The following CUX1 variants were observed in gnomAD, a reference collection of about 807,000 sequenced individuals.
CUX1 encodes the protein cut like homeobox 1, also known as protein CASP.
In CUX1, 31 loss-of-function variants were observed where a neutral mutation model predicts 158.8. That is an observed-to-expected ratio of 0.20 (90% CI 0.15 to 0.26). The LOEUF (loss-of-function observed/expected upper bound fraction) is 0.26, where lower values mean the gene tolerates loss of function less well. Among genes scored for constraint, CUX1 ranks in the 10% least tolerant of loss-of-function variants. CUX1 has a pLI of 1.00. For missense variants in CUX1, 1,589 were observed against 2,014.6 expected (o/e 0.79, Z 4.04); for synonymous variants, 879 against 862.1 (o/e 1.02, Z -0.34).
rs893750637 is a variant in CUX1 at position 102,280,735 on chromosome 7, G to A, written c.1765-69G>A. The A allele has an allele frequency of 8.5e-6, 13 of 1,535,864 alleles. No individual in the cohort carries two copies. The Admixed American group carries it at 1.2e-4, about 14-fold the overall frequency. On this transcript the variant is annotated intron_variant, in intron 19 of 22. Transcript: ENST00000292538. ...GGTGTCCTGTGGCTGGCCAGGCCCT[G>A]CTCTCTGCCACAAGCCAGGGCCTGT...
exon 23 of CUX1, chr7:102,283,025 G>T: frequency 6.2e-7 from 1 of 1,610,946 alleles, no homozygotes; most frequent in South Asian, 1.1e-5. Context: ...CCCCAGGTTC[G>T]CTGACCACCT....
intron 7 of CUX1, among the ~76,000 whole-genome samples, chr7:102,112,593 A>C (rs1262185306): frequency 6.9e-6 from 1 of 144,764 alleles, no homozygotes; most frequent in Non-Finnish European, 1.5e-5. Flanking sequence ...TTTTTGAGAC[A>C]GGGTCTTGCT....
intron 8 of CUX1, among the ~76,000 whole-genome samples, chr7:102,119,613 G>A (rs992795221): frequency 3.9e-5 from 6 of 152,184 alleles, no homozygotes; most frequent in South Asian, 2.1e-4. Context: ...GTTGGAACAT[G>A]GGGGCTTTGC....
chr7:101,913,453 CA>C, intron 1 of CUX1: 1 of 1,204,064 alleles, frequency 8.3e-7, no homozygotes, highest in South Asian at 1.4e-5. Context: ...GTTCACCTTG[CA>C]CCGGGCCACC....
intron 4 of CUX1, among the ~76,000 whole-genome samples, chr7:102,088,813 T>C (rs1164694674): frequency 6.6e-6 from 1 of 152,200 alleles, no homozygotes; most frequent in African/African-American, 2.4e-5. Context: ...TTTTCTAATT[T>C]TGATTTCAGA....
chr7:102,004,885 G>A (rs951000550), intron 2 of CUX1, among the ~76,000 whole-genome samples: 1 of 152,264 alleles, frequency 6.6e-6, no homozygotes, highest in African/African-American at 2.4e-5. Flanking sequence ...GACGGAGAAA[G>A]AGGCAAAATC....
chr7:101,908,794 G>A (rs1395699231), intron 1 of CUX1, among the ~76,000 whole-genome samples: 1 of 152,192 alleles, frequency 6.6e-6, no homozygotes, highest in Non-Finnish European at 1.5e-5. Flanking sequence ...ATGTGTCTGT[G>A]AGAGTACACA....
At chr7:101,958,183 T>G (rs557561933) in intron 2 of CUX1, among the ~76,000 whole-genome samples, 2 of 152,254 alleles carry the variant, frequency 1.3e-5, no homozygotes, top group African/African-American at 4.8e-5. Context: ...GCCCCCCTCC[T>G]TCTAGAACCT....
chr7:102,243,976 G>A (rs1417755345), intron 23 of CUX1, among the ~76,000 whole-genome samples: 1 of 151,910 alleles, frequency 6.6e-6, no homozygotes, highest in East Asian at 1.9e-4. Flanking sequence ...GCAGTGAGCC[G>A]AGATCACGCC....
chr7:102,187,192 T>A (rs1466317268), intron 11 of CUX1, among the ~76,000 whole-genome samples: 1 of 152,128 alleles, frequency 6.6e-6, no homozygotes, highest in Admixed American at 6.5e-5. Flanking sequence ...GAAACTGTAA[T>A]GGGACTTAGC....
intron 20 of CUX1, among the ~76,000 whole-genome samples, chr7:102,216,704 C>T (rs1288963827): frequency 4.8e-5 from 7 of 145,502 alleles, no homozygotes; most frequent in Non-Finnish European, 9.0e-5. Flanking sequence ...CACTCCCACA[C>T]GCACTCTCCA....
intron 8 of CUX1, 179 bp downstream of exon 8, chr7:102,115,452 A>G (rs1019864451): frequency 2.3e-5 from 12 of 513,264 alleles, no homozygotes; most frequent in African/African-American, 2.2e-4. Context: ...AATCCTTCCA[A>G]CAAACTTCTT....
rs554553855 is a variant in CUX1, at chr7:102,035,277, G to A, written c.189+7132G>A. 7.9e-5 allele frequency among the ~76,000 whole-genome samples: 12 copies of A among 152,158 alleles called. No individual in the cohort carries two copies. In the East Asian group the frequency reaches 1.3e-3, roughly 17 times the overall value. On this transcript the variant is annotated intron_variant, in intron 3 of 23. Transcript: ENST00000292535. ...CTTTGAGTACCCATACAACCATGCCGTTTGTCAGTTTCAGTACAGTATTCA... is the reference window on the plus strand; with the variant it reads ...CTTTGAGTACCCATACAACCATGCCATTTGTCAGTTTCAGTACAGTATTCA...
rs1563490972 is a variant in CUX1 at position 102,250,057 on chromosome 7, AAAAAG to A, written c.*1020_*1024del. ...CCAAATCAGGACAAAAAAAAGAAAA[AAAAAG>A]AAAAAAAAAAAAGAAAAGATCCGAA... On this transcript the variant is annotated 3_prime_UTR_variant, in exon 24 of 24. Coordinates refer to ENST00000292535, the MANE Select transcript of CUX1 (RefSeq NM_181552.4). The A allele has an allele frequency of 7.1e-6, 7 of 979,272 alleles. No homozygotes were observed. The highest frequency in any genetic ancestry group is 8.5e-6 in the Non-Finnish European group (7 of 826,138). The allele number at this position is 979,272 out of a possible 1,614,324, so 60.7% of individuals were successfully genotyped here. A position where few individuals can be genotyped will look rare whatever the true frequency, so the allele number is the denominator to read the frequency against.
intron 2 of CUX1, among the ~76,000 whole-genome samples, chr7:101,994,035 C>A (rs1165143993): frequency 6.6e-6 from 1 of 152,204 alleles, no homozygotes; most frequent in Non-Finnish European, 1.5e-5. Context: ...AGGCTTCCAG[C>A]CCCCTAACCC....
chr7:102,142,501 T>G (rs950411843), intron 8 of CUX1, among the ~76,000 whole-genome samples: 1 of 152,302 alleles, frequency 6.6e-6, no homozygotes, highest in African/African-American at 2.4e-5. Context: ...AGTTCACACC[T>G]GTAAGCCCAG....
At chr7:102,132,451 T>C (rs1449118278) in intron 8 of CUX1, among the ~76,000 whole-genome samples, 1 of 152,030 alleles carries the variant, frequency 6.6e-6, no homozygotes, top group South Asian at 2.1e-4. Context: ...CAGATTAAGT[T>C]GTTATTCTCC....
Position 102,257,890 on chromosome 7 carries a change from AAAG to A in CUX1, c.*8849_*8851del, listed in dbSNP as rs1427191371. 1.0e-6 allele frequency: 1 copy of A among 984,150 alleles called. No individual in the cohort carries two copies. Among genetic ancestry groups the A allele is most frequent in the East Asian group, 1.1e-4 (1 of 8,826 alleles). The allele number at this position is 984,150 out of a possible 1,614,324, so 61.0% of individuals were successfully genotyped here. On this transcript the variant is annotated 3_prime_UTR_variant, in exon 24 of 24. Coordinates refer to ENST00000292535, the MANE Select transcript of CUX1 (RefSeq NM_181552.4). ...CCAAAAAAGAAAAAAGGAAAAAAAA[AAAG>A]TCGTCTTTTTTTTTTTTTTTTGTAC...
chr7:102,178,554 A>G lies in CUX1; in HGVS notation c.914A>G (p.Asp305Gly). ...KEREIAQLVE[D>G]VQRLQASLTK... ...CGGGAGATCGCACAGCTGGTGGAGG[A>G]CGTGCAGAGACTCCAGGCCAGCCTC... The change falls in exon 11 of 24, where the codon GAC becomes GGC. Residue 305 changes from aspartate (D) to glycine (G), a missense_variant. Physicochemically the swap from Asp to Gly is moderately conservative, Grantham distance 94. Coordinates refer to ENST00000292535, the MANE Select transcript of CUX1 (RefSeq NM_181552.4). 1 of 1,613,426 alleles carries G rather than the reference A, an allele frequency of 6.2e-7. No homozygotes were observed. The highest frequency in any genetic ancestry group is 1.1e-5 in the South Asian group (1 of 90,890).
Sources: gnomAD v4.1 joint callset for allele counts (sites outside exome capture counted in the v4.1 genomes callset) on GRCh38, gnomAD v4.1.1 for gene constraint, MANE v1.5 for transcripts, NCBI Gene and HGNC (gene_info 2026-07-23, HGNC 2026-07-21) for gene names.